DYM: variants seen among roughly 807,000 people sequenced by gnomAD.
DYM encodes dyggve-Melchior-Clausen syndrome protein.
In DYM, 78 loss-of-function variants were observed where a neutral mutation model predicts 93.1. The ratio of observed to expected loss-of-function variants is 0.84; its 90% CI spans 0.70 to 1.01. The LOEUF (loss-of-function observed/expected upper bound fraction) is 1.01, where lower values mean the gene tolerates loss of function less well. DYM is among the 50% of genes least tolerant of loss of function. The pLI is 0.00. For missense variants in DYM, 789 were observed against 845.0 expected (o/e 0.93, Z 0.82); for synonymous variants, 321 against 319.7 (o/e 1.00, Z -0.04).
At chr18:49,368,803 A>T (rs2066740958) in intron 5 of DYM, 1 of 152,254 alleles carries the variant, frequency 6.6e-6, no homozygotes, top group Admixed American at 6.5e-5. Flanking sequence ...AAAGAGTTTC[A>T]AAAATGTTTT....
At chr18:49,256,954 C>T in intron 13 of DYM, 56 bp downstream of exon 13, 1 of 1,400,164 alleles carries the variant, frequency 7.1e-7, no homozygotes, top group South Asian at 1.2e-5. Context: ...CCATAGTATC[C>T]ATCTTAATAG....
At chr18:49,318,096 C>A (rs1385785922) in intron 8 of DYM, among the ~76,000 whole-genome samples, 1 of 152,316 alleles carries the variant, frequency 6.6e-6, no homozygotes, top group South Asian at 2.1e-4. Flanking sequence ...ATACCCCACA[C>A]CCTTGCCCCA....
chr18:49,258,620 G>T, intron 11 of DYM, 127 bp from the exon 12 acceptor site: 1 of 697,826 alleles, frequency 1.4e-6, no homozygotes, highest in South Asian at 1.5e-5. Flanking sequence ...ACAGACAGAG[G>T]CCACGCAAAT....
chr18:49,181,464 T>A (rs2089916300), intron 14 of DYM, among the ~76,000 whole-genome samples: 1 of 152,210 alleles, frequency 6.6e-6, no homozygotes, highest in African/African-American at 2.4e-5. Flanking sequence ...TTCCTTCATC[T>A]GAAATGCTTG....
intron 17 of DYM, among the ~76,000 whole-genome samples, chr18:49,078,380 CA>C (rs1301924313): frequency 3.1e-4 from 46 of 149,798 alleles, no homozygotes; most frequent in African/African-American, 1.1e-3. Flanking sequence ...TATGCACCCA[CA>C]AAAATTAAAA....
At chr18:49,104,582 G>A (rs559431929) in intron 16 of DYM, among the ~76,000 whole-genome samples, 19 of 152,182 alleles carry the variant, frequency 1.2e-4, no homozygotes, top group Admixed American at 2.0e-4. Context: ...TTTGAGATAC[G>A]TCCCATCAAT....
At chr18:49,121,181 A>G (rs1254380285) in intron 15 of DYM, among the ~76,000 whole-genome samples, 1 of 152,252 alleles carries the variant, frequency 6.6e-6, no homozygotes, top group South Asian at 2.1e-4. Flanking sequence ...GAATTTCAGC[A>G]GAGTTAAAAA....
At chr18:49,118,632 T>C (rs748820300) in intron 16 of DYM, 112 bp downstream of exon 16, 2 of 1,004,704 alleles carry the variant, frequency 2.0e-6, no homozygotes, top group East Asian at 2.6e-5. Context: ...CAAATACAGT[T>C]AATGTTGAAA....
intron 8 of DYM, among the ~76,000 whole-genome samples, chr18:49,301,695 T>C (rs1393755443): frequency 6.6e-6 from 1 of 152,184 alleles, no homozygotes; most frequent in Non-Finnish European, 1.5e-5. Flanking sequence ...TTAATAAGCA[T>C]ACACTAACAC....
At chr18:49,346,152 C>T (rs530443993) in intron 6 of DYM, among the ~76,000 whole-genome samples, 13 of 152,192 alleles carry the variant, frequency 8.5e-5, no homozygotes, top group Non-Finnish European at 1.6e-4. Context: ...GAACTGAAAA[C>T]GTTTCTACAC....
In DYM at chr18:49,315,638, T is replaced by C. The variant is rs144201910; in HGVS notation, c.763+16226A>G. Reference sequence around the variant, plus strand: ...CGTGATTTTAAAAAATCTTTCAAAATAAATACATTTCAAATAATTAGCACA... The same window carrying C: ...CGTGATTTTAAAAAATCTTTCAAAACAAATACATTTCAAATAATTAGCACA... On this transcript the variant is annotated intron_variant, in intron 8 of 17. Coordinates refer to ENST00000675505, the MANE Select transcript of DYM (RefSeq NM_001353214.3). 3.3e-3 allele frequency among the ~76,000 whole-genome samples: 497 copies of C among 152,288 alleles called. 1 individual carries two copies. Among genetic ancestry groups the C allele is most frequent in the African/African-American group, 0.01 (419 of 41,568 alleles).
chr18:49,435,116 G>A (rs140292652), intron 1 of DYM, among the ~76,000 whole-genome samples: 5 of 149,296 alleles, frequency 3.3e-5, no homozygotes, highest in Non-Finnish European at 4.4e-5. Context: ...ACTAAGGCAC[G>A]AGAATCACTT....
At chr18:49,215,412 G>T (rs2092986027) in intron 13 of DYM, among the ~76,000 whole-genome samples, 1 of 152,266 alleles carries the variant, frequency 6.6e-6, no homozygotes, top group Non-Finnish European at 1.5e-5. Context: ...TGCATGGTGA[G>T]AATAAAAACC....
At chr18:49,133,199 C>T (rs2083530408) in intron 15 of DYM, among the ~76,000 whole-genome samples, 1 of 152,108 alleles carries the variant, frequency 6.6e-6, no homozygotes, top group Admixed American at 6.6e-5. Flanking sequence ...TAAATACGTA[C>T]TTAAGAGTCT....
intron 13 of DYM, among the ~76,000 whole-genome samples, chr18:49,217,293 G>A (rs1319353420): frequency 6.6e-6 from 1 of 152,220 alleles, no homozygotes; most frequent in Non-Finnish European, 1.5e-5. Context: ...GTACCTGAAA[G>A]TGACGGGGAG....
chr18:49,101,616 C>T lies in DYM; in HGVS notation c.1912-4101G>A, dbSNP rs576049602. Among the ~76,000 whole-genome samples, 28 of 152,192 alleles carry T rather than the reference C, an allele frequency of 1.8e-4. No homozygotes were observed. In the East Asian group the frequency reaches 1.9e-3, roughly 10 times the overall value. The stretch of plus-strand genomic sequence containing the variant: ...CTTGCTTGCTAAAAATGGCCACTCT[C>T]CTAAGAGGTAGAAGTAGACAGCTAA... On this transcript the variant is annotated intron_variant, in intron 16 of 17. Transcript: ENST00000675505.
intron 13 of DYM, among the ~76,000 whole-genome samples, chr18:49,221,979 T>C (rs2093377824): frequency 1.3e-5 from 1 of 79,552 alleles, no homozygotes; most frequent in Non-Finnish European, 3.2e-5. Flanking sequence ...AAAGTACTGT[T>C]ATTTTATAAA....
chr18:49,163,429 T>C (rs1421861892), intron 15 of DYM, among the ~76,000 whole-genome samples: 1 of 152,226 alleles, frequency 6.6e-6, no homozygotes, highest in Non-Finnish European at 1.5e-5. Flanking sequence ...CACTGCAACC[T>C]CTGCCTCCCG....
intron 5 of DYM, among the ~76,000 whole-genome samples, chr18:49,366,123 C>A (rs181489064): frequency 1.4e-4 from 22 of 152,246 alleles, no homozygotes; most frequent in Admixed American, 1.4e-3. Context: ...TGTTTCTCAG[C>A]TAATCTAGAA....
Sources: allele counts gnomAD v4.1 joint callset (sites outside exome capture counted in the v4.1 genomes callset), GRCh38; gene constraint gnomAD v4.1.1; transcripts MANE v1.5; gene names NCBI Gene and HGNC (gene_info 2026-07-23, HGNC 2026-07-21).